The following RAPGEF2 variants were observed in gnomAD, a reference collection of about 807,000 sequenced individuals.
RAPGEF2 encodes PDZ domain containing guanine nucleotide exchange factor (GEF) 1.
A neutral mutation model predicts 186.7 loss-of-function variants in RAPGEF2; 54 were observed. That is an observed-to-expected ratio of 0.29 (90% CI 0.23 to 0.36). The LOEUF (loss-of-function observed/expected upper bound fraction) is 0.36. Among genes scored for constraint, RAPGEF2 ranks in the 10% least tolerant of loss-of-function variants. RAPGEF2 has a pLI of 1.00. For synonymous variants in RAPGEF2, 712 were observed against 705.9 expected (o/e 1.01, Z -0.14); for missense variants, 1,532 against 2,045.0 (o/e 0.75, Z 4.84).
chr4:159,185,159 G>GAA (rs1747433087), intron 1 of RAPGEF2, among the ~76,000 whole-genome samples: 7 of 152,138 alleles, frequency 4.6e-5, no homozygotes, highest in Admixed American at 4.6e-4. Context: ...TAAAAAGAGA[G>GAA]ACAGTAACAA....
chr4:159,295,742 TGTGTGTGTGTGTGCGC>T (rs777575595), intron 7 of RAPGEF2, among the ~76,000 whole-genome samples: 171 of 133,498 alleles, frequency 1.3e-3, no homozygotes, highest in African/African-American at 4.4e-3. Context: ...TGTGTGTGTG[TGTGTGTGTGTGTGCGC>T]GCGCGCGCGC....
intron 4 of RAPGEF2, among the ~76,000 whole-genome samples, chr4:159,226,920 A>G (rs774155407): frequency 1.1e-4 from 17 of 152,198 alleles, no homozygotes; most frequent in African/African-American, 1.9e-4. Flanking sequence ...TTATTACTTG[A>G]TATCTTTGTA....
At chr4:159,134,467 A>G (rs887876067) in intron 1 of RAPGEF2, among the ~76,000 whole-genome samples, 14 of 152,220 alleles carry the variant, frequency 9.2e-5, no homozygotes, top group African/African-American at 3.1e-4. Flanking sequence ...ATATGGACAC[A>G]TGTTTTCCCC....
Position 159,103,223 on chromosome 4 carries a change from T to G in RAPGEF2, c.-940T>G, listed in dbSNP as rs1447029243. On this transcript the variant is annotated 5_prime_UTR_variant, in exon 1 of 30. Coordinates refer to ENST00000691494, the MANE Select transcript of RAPGEF2 (RefSeq NM_001394067.2). ...GGCCCTCGGACGCCCGCGCCGGGAG[T>G]CCGAACCCGGGCTGTCCGCGGCCCC... The G allele has an allele frequency of 1.3e-5, 2 of 151,164 alleles. No homozygotes were observed. 9.4% of individuals were successfully genotyped at this position (151,164 alleles called of 1,614,324 possible). A position where few individuals can be genotyped will look rare whatever the true frequency, so the allele number is the denominator to read the frequency against.
intron 11 of RAPGEF2, among the ~76,000 whole-genome samples, chr4:159,324,084 A>G (rs931707478): frequency 6.6e-6 from 1 of 151,200 alleles, no homozygotes; most frequent in Middle Eastern, 3.5e-3. Flanking sequence ...TGTAGTAGAG[A>G]TGGGGTTTCA....
chr4:159,313,154 A>G (rs902378157), intron 8 of RAPGEF2, among the ~76,000 whole-genome samples: 2 of 146,034 alleles, frequency 1.4e-5, no homozygotes, highest in African/African-American at 5.0e-5. Context: ...TCTCAAAAAA[A>G]ACAAAAAGAA....
At chr4:159,252,558 C>T (rs185068758) in intron 7 of RAPGEF2, among the ~76,000 whole-genome samples, 10 of 152,292 alleles carry the variant, frequency 6.6e-5, no homozygotes, top group African/African-American at 9.6e-5. Context: ...GGAATACTGA[C>T]GGCTCAGTTT....
At chr4:159,343,742 CTT>C (rs1168707030) in intron 22 of RAPGEF2, among the ~76,000 whole-genome samples, 1 of 152,128 alleles carries the variant, frequency 6.6e-6, no homozygotes, top group Non-Finnish European at 1.5e-5. Flanking sequence ...CCCAAATAGT[CTT>C]GTCTCAATAT....
chr4:159,214,886 G>T (rs1750854955), intron 4 of RAPGEF2, among the ~76,000 whole-genome samples: 1 of 152,126 alleles, frequency 6.6e-6, no homozygotes, highest in South Asian at 2.1e-4. Context: ...AGGGAGTTGT[G>T]GAGTCTTACT....
chr4:159,270,093 G>A (rs1282313859), intron 7 of RAPGEF2, among the ~76,000 whole-genome samples: 1 of 152,198 alleles, frequency 6.6e-6, no homozygotes, highest in Non-Finnish European at 1.5e-5. Context: ...ATAGAAATCT[G>A]TGAGTGGTAT....
intron 1 of RAPGEF2, among the ~76,000 whole-genome samples, chr4:159,112,379 A>AT (rs139607243): frequency 0.02 from 3,020 of 148,920 alleles, 109 homozygotes; most frequent in South Asian, 0.1. Context: ...TCCTTTTCAT[A>AT]TTTTTTTTTT....
At position 159,329,960 on chromosome 4, in the gene RAPGEF2, C is replaced by T; in HGVS notation, c.1252C>T (p.His418Tyr). 6.2e-7 allele frequency: 1 copy of T among 1,613,244 alleles called. No individual in the cohort carries two copies. Among genetic ancestry groups the T allele is most frequent in the Non-Finnish European group, 8.5e-7 (1 of 1,179,506 alleles). ...AGGAGAGATTGTTATGGTGAAAGAACACCGAGAACTTGATCGAACTGGAAC... is the reference window on the plus strand; with the variant it reads ...AGGAGAGATTGTTATGGTGAAAGAATACCGAGAACTTGATCGAACTGGAAC... ...EEGEIVMVKEHRELDRTGTRK... is the reference protein window; with the variant it reads ...EEGEIVMVKEYRELDRTGTRK... Residue 418 changes from histidine (H) to tyrosine (Y), a missense_variant, in exon 12 of 30, where the codon CAC becomes TAC. Physicochemically the swap from His to Tyr is moderately conservative, Grantham distance 83 (BLOSUM62 2). Around this residue, in one of 4 missense-constraint regions of RAPGEF2, gnomAD observed 810 missense variants for 1,210.5 expected, o/e 0.67. Coordinates refer to ENST00000691494, the MANE Select transcript of RAPGEF2 (RefSeq NM_001394067.2).
At chr4:159,218,193 A>G (rs1025395683) in intron 4 of RAPGEF2, among the ~76,000 whole-genome samples, 14 of 152,344 alleles carry the variant, frequency 9.2e-5, no homozygotes, top group Admixed American at 2.6e-4. Flanking sequence ...GAAGTTGTGT[A>G]TTCACGTAAG....
At chr4:159,104,553 A>AGAGAGAGGGAGAGAGTGTGTGT (rs1553991869) in intron 1 of RAPGEF2, among the ~76,000 whole-genome samples, 21 of 136,114 alleles carry the variant, frequency 1.5e-4, no homozygotes, top group African/African-American at 6.1e-4. Flanking sequence ...AGAGAGAGAG[A>AGAGAGAGGGAGAGAGTGTGTGT]GTGTGTGTGT....
intron 1 of RAPGEF2, among the ~76,000 whole-genome samples, chr4:159,113,521 A>G (rs1047238663): frequency 6.6e-6 from 1 of 152,034 alleles, no homozygotes; most frequent in Non-Finnish European, 1.5e-5. Flanking sequence ...CGGGTGGATC[A>G]CCTGAAGTCG....
intron 7 of RAPGEF2, among the ~76,000 whole-genome samples, chr4:159,273,402 A>AGT (rs1159711151): frequency 6.6e-6 from 1 of 152,262 alleles, no homozygotes. Flanking sequence ...CACAGGACAT[A>AGT]GTAAAGTAAG....
At chr4:159,172,013 C>T (rs1483073726) in intron 1 of RAPGEF2, among the ~76,000 whole-genome samples, 1 of 151,770 alleles carries the variant, frequency 6.6e-6, no homozygotes, top group Non-Finnish European at 1.5e-5. Context: ...AATATAATTT[C>T]AAGTAATGAC....
At position 159,125,619 on chromosome 4, in the gene RAPGEF2, A is replaced by G. The variant is rs182861520; in HGVS notation, c.69+21388A>G. On this transcript the variant is annotated intron_variant, in intron 1 of 29. Transcript: ENST00000691494. Reference sequence around the variant, plus strand: ...TAAAAATACAAAAATTTAGCCGGGCATGGTGGCGAGCACCTGTAGTCCCAG... The same window carrying G: ...TAAAAATACAAAAATTTAGCCGGGCGTGGTGGCGAGCACCTGTAGTCCCAG... Among the ~76,000 whole-genome samples, 1,031 of 152,154 alleles carry G rather than the reference A, an allele frequency of 6.8e-3. 7 individuals carry two copies. The highest frequency in any genetic ancestry group is 0.011 in the Admixed American group (173 of 15,274).
chr4:159,145,535 A>G (rs1011425661), intron 1 of RAPGEF2, among the ~76,000 whole-genome samples: 1 of 152,056 alleles, frequency 6.6e-6, no homozygotes, highest in Non-Finnish European at 1.5e-5. Flanking sequence ...TTTGCCAAAA[A>G]CATTGCCAAA....
Sources: allele counts gnomAD v4.1 joint callset (sites outside exome capture counted in the v4.1 genomes callset), GRCh38; gene constraint gnomAD v4.1.1; regional missense constraint gnomAD v4.1.1; transcripts MANE v1.5; gene names NCBI Gene and HGNC (gene_info 2026-07-23, HGNC 2026-07-21).